Variants in SEMA4A observed in about 807,000 individuals in gnomAD.
SEMA4A encodes semaphorin-4A.
Under a neutral mutation model 72.5 loss-of-function variants are expected in SEMA4A, and 52 were observed. That is an observed-to-expected ratio of 0.72 (90% CI 0.57 to 0.90). The LOEUF (loss-of-function observed/expected upper bound fraction) is 0.90. SEMA4A is among the 40% of genes least tolerant of loss of function. SEMA4A has a pLI of 0.00. For synonymous variants in SEMA4A, 369 were observed against 393.1 expected (o/e 0.94, Z 0.73); for missense variants, 926 against 959.7 (o/e 0.96, Z 0.46).
At chr1:156,166,745 A>G (rs1654200366) in intron 10 of SEMA4A, among the ~76,000 whole-genome samples, 1 of 152,152 alleles carries the variant, frequency 6.6e-6, no homozygotes, top group African/African-American at 2.4e-5. Flanking sequence ...CCTGGCCAAC[A>G]TGGTGAAACC....
At chr1:156,170,828 G>A (rs1220047145) in intron 10 of SEMA4A, among the ~76,000 whole-genome samples, 2 of 151,724 alleles carry the variant, frequency 1.3e-5, no homozygotes, top group Non-Finnish European at 2.9e-5. Flanking sequence ...GGCTAAGGTA[G>A]GAGGATGGCT....
intron 10 of SEMA4A, among the ~76,000 whole-genome samples, chr1:156,170,872 G>A (rs1035297678): frequency 6.6e-6 from 1 of 151,866 alleles, no homozygotes; most frequent in Non-Finnish European, 1.5e-5. Flanking sequence ...AGTGAACCAA[G>A]ATCATGCCAC....
rs1478249824 is a variant in SEMA4A at position 156,156,404 on chromosome 1, C to T, written c.140-10C>T. 2 of 1,613,758 alleles carry T rather than the reference C, an allele frequency of 1.2e-6. No homozygotes were observed. The highest frequency in any genetic ancestry group is 1.7e-6 in the Non-Finnish European group (2 of 1,179,782). On this transcript the variant is annotated splice_polypyrimidine_tract_variant and intron_variant, in intron 2 of 14. Transcript: ENST00000368285. ...TCCTCATCACTCTCTCTGTCTTACT[C>T]CTCCAACAGGGGATGAACGTAGGGC...
chr1:156,168,226 C>CT (rs1196614751), intron 10 of SEMA4A, among the ~76,000 whole-genome samples: 1 of 137,174 alleles, frequency 7.3e-6, no homozygotes, highest in Non-Finnish European at 1.6e-5. Context: ...GCCCAGCTTA[C>CT]TTTTTTTTTG....
At chr1:156,161,690 T>C (rs1653680226) in intron 9 of SEMA4A, 172 bp downstream of exon 9, 1 of 631,888 alleles carries the variant, frequency 1.6e-6, no homozygotes, top group Admixed American at 3.1e-5. Context: ...GCCCTTTTTG[T>C]AAATGGGAAA....
In SEMA4A at chr1:156,156,445, C is replaced by G. The variant is rs1558146602; in HGVS notation, c.171C>G (p.His57Gln). Residue 57 changes from histidine to glutamine, a missense_variant, in exon 3 of 15, where the codon CAC becomes CAG. By Grantham distance (24) the His-to-Gln change is conservative. Coordinates refer to ENST00000368285, the MANE Select transcript of SEMA4A (RefSeq NM_022367.4). Reference sequence around the variant, plus strand: ...AACGTAGGGCACTTAGCTTCTTCCACCAGAAGGGCCTCCAGGATTTTGACA... The same window carrying G: ...AACGTAGGGCACTTAGCTTCTTCCAGCAGAAGGGCCTCCAGGATTTTGACA... ...GDERRALSFF[H>Q]QKGLQDFDTL... 15 of 1,614,140 alleles carry G rather than the reference C, an allele frequency of 9.3e-6. No individual in the cohort carries two copies. Among genetic ancestry groups the G allele is most frequent in the Non-Finnish European group, 1.1e-5 (13 of 1,179,996 alleles).
chr1:156,175,347 C>T, intron 13 of SEMA4A, 104 bp downstream of exon 13: 3 of 1,391,006 alleles, frequency 2.2e-6, no homozygotes, highest in Non-Finnish European at 3.0e-6. Flanking sequence ...GACATATTCA[C>T]TCCAAGAGTC....
Position 156,175,165 on chromosome 1 carries a change from A to G in SEMA4A, c.1514A>G (p.Asp505Gly), listed in dbSNP as rs748226589. ...ANCSVYESCV[D>G]CVLARDPHCA... Reference sequence around the variant, plus strand: ...TGTAGTGTCTATGAGAGCTGTGTGGACTGTGTCCTTGCCCGGGACCCCCAC... The same window carrying G: ...TGTAGTGTCTATGAGAGCTGTGTGGGCTGTGTCCTTGCCCGGGACCCCCAC... Residue 505 changes from aspartate to glycine, a missense_variant, in exon 13 of 15, where the codon GAC becomes GGC. Transcript: ENST00000368285. 6.2e-7 allele frequency: 1 copy of G among 1,614,058 alleles called. No homozygotes were observed. Among genetic ancestry groups the G allele is most frequent in the Non-Finnish European group, 8.5e-7 (1 of 1,179,992 alleles).
chr1:156,174,660 G>A (rs143909025), intron 11 of SEMA4A, among the ~76,000 whole-genome samples, 162 bp from the exon 12 acceptor site: 145 of 152,340 alleles, frequency 9.5e-4, no homozygotes, highest in African/African-American at 3.0e-3. Flanking sequence ...ACAAGAGACT[G>A]CCATCTCCAT....
rs953491445 is a variant in SEMA4A, at chr1:156,157,119, A to T, written c.300+545A>T. 2.0e-5 allele frequency among the ~76,000 whole-genome samples: 3 copies of T among 152,306 alleles called. No individual in the cohort carries two copies. In the East Asian group the frequency reaches 5.8e-4, roughly 29 times the overall value. ...CTGATATGGAAATCATTGACATATG[A>T]GATAAACACTGACTCAAATTATATC... On this transcript the variant is annotated intron_variant, in intron 3 of 14. Transcript: ENST00000368285. The surrounding 1 kb of genome is among the most constrained non-coding windows in gnomAD (Gnocchi z 4.5).
In SEMA4A at chr1:156,176,921, A is replaced by G. The variant is rs770244474; in HGVS notation, c.2210A>G (p.Gln737Arg). 1.1e-5 allele frequency: 17 copies of G among 1,614,220 alleles called. No homozygotes were observed. The highest frequency in any genetic ancestry group is 1.4e-5 in the Non-Finnish European group (17 of 1,180,036). The change falls in exon 15 of 15, where the codon CAG (glutamine) becomes CGG (arginine). Residue 737 changes from glutamine to arginine, a missense_variant. Gln to Arg is a conservative substitution (Grantham distance 43). Coordinates refer to ENST00000368285, the MANE Select transcript of SEMA4A (RefSeq NM_022367.4). ...KAPLSREQHL[Q>R]SPKECRTSAS... ...CCGTTAAGCAGAGAGCAACACCTCCAGTCTCCCAAGGAATGCAGGACCTCT... is the reference window on the plus strand; with the variant it reads ...CCGTTAAGCAGAGAGCAACACCTCCGGTCTCCCAAGGAATGCAGGACCTCT...
chr1:156,153,090 C>T (rs1652680417), upstream of SEMA4A, among the ~76,000 whole-genome samples: 2 of 152,214 alleles, frequency 1.3e-5, no homozygotes, highest in South Asian at 4.1e-4. Flanking sequence ...TTCCTATTGG[C>T]CTGATGTCAA....
Position 156,162,951 on chromosome 1 carries a change from G to A in SEMA4A, c.991G>A (p.Gly331Ser). 6.2e-7 allele frequency: 1 copy of A among 1,613,728 alleles called. No homozygotes were observed. The highest frequency in any genetic ancestry group is 8.5e-7 in the Non-Finnish European group (1 of 1,180,028). Residue 331 changes from glycine to serine, a missense_variant, in exon 10 of 15, where the codon GGC becomes AGC. Transcript: ENST00000368285. ...YAVFTSQWQV[G>S]GTRSSAVCAF... is the part of the protein sequence containing the mutation. Reference sequence around the variant, plus strand: ...CCCTCTGGCTGTCTCCAGGCAGGTTGGCGGGACCAGGAGCTCTGCGGTTTG... The same window carrying A: ...CCCTCTGGCTGTCTCCAGGCAGGTTAGCGGGACCAGGAGCTCTGCGGTTTG...
intron 1 of SEMA4A, 133 bp from the exon 2 acceptor site, chr1:156,154,417 C>G (rs371814440): frequency 7.8e-6 from 6 of 771,552 alleles, no homozygotes; most frequent in Admixed American, 2.4e-5. Context: ...AGATAGGGAA[C>G]CTTCTCTGCC....
chr1:156,173,674 G>A (rs1655030004), intron 11 of SEMA4A, among the ~76,000 whole-genome samples: 1 of 152,186 alleles, frequency 6.6e-6, no homozygotes, highest in African/African-American at 2.4e-5. Context: ...CTTGGTGGGT[G>A]TGCAGGCTCA....
At chr1:156,168,690 A>T (rs1381257840) in intron 10 of SEMA4A, among the ~76,000 whole-genome samples, 1 of 152,104 alleles carries the variant, frequency 6.6e-6, no homozygotes, top group African/African-American at 2.4e-5. Context: ...CTGTGTCCAT[A>T]ACTAAGTCTT....
intron 6 of SEMA4A, 140 bp downstream of exon 6, chr1:156,158,964 G>A: frequency 1.4e-6 from 1 of 737,274 alleles, no homozygotes; most frequent in South Asian, 1.4e-5. Context: ...TTATTTGGAA[G>A]CTGAAGTTGA....
chr1:156,161,777 C>A, intron 9 of SEMA4A: 1 of 490,098 alleles, frequency 2.0e-6, no homozygotes, highest in Non-Finnish European at 3.6e-6. Flanking sequence ...TTACAAAAGG[C>A]AAATATTAAA....
chr1:156,150,574 A>G (rs924820278), upstream of SEMA4A, among the ~76,000 whole-genome samples: 2 of 151,870 alleles, frequency 1.3e-5, no homozygotes, highest in Non-Finnish European at 2.9e-5. Flanking sequence ...CTGCCAGATC[A>G]CTCGTGAAGC....
Sources: allele counts gnomAD v4.1 joint callset (sites outside exome capture counted in the v4.1 genomes callset), GRCh38; gene constraint gnomAD v4.1.1; non-coding constraint Gnocchi (gnomAD v3.1); transcripts MANE v1.5; gene names NCBI Gene and HGNC (gene_info 2026-07-23, HGNC 2026-07-21).